SLC44A1: variants seen among roughly 807,000 people sequenced by gnomAD.
The protein encoded by SLC44A1 is solute carrier family 44 member 1, also known as choline transporter-like protein 1.
In SLC44A1, 26 loss-of-function variants were observed where a neutral mutation model predicts 79.3. The ratio of observed to expected loss-of-function variants is 0.33; its 90% CI spans 0.24 to 0.46. The LOEUF (loss-of-function observed/expected upper bound fraction) is 0.46, where lower values mean the gene tolerates loss of function less well. Ranked by LOEUF, SLC44A1 falls within the 20% of genes least tolerant of loss-of-function variation. The pLI is 1.00. For synonymous variants in SLC44A1, 263 were observed against 286.2 expected (o/e 0.92, Z 0.82); for missense variants, 688 against 798.1 (o/e 0.86, Z 1.66).
chr9:105,419,691 G>T (rs1211064719), intron 15 of SLC44A1, among the ~76,000 whole-genome samples: 1 of 152,096 alleles, frequency 6.6e-6, no homozygotes, highest in Non-Finnish European at 1.5e-5. Flanking sequence ...GAGGTGGGTG[G>T]ATCACCTGAG....
At chr9:105,430,506 C>T (rs187855858) in intron 15 of SLC44A1, among the ~76,000 whole-genome samples, 20 of 152,236 alleles carry the variant, frequency 1.3e-4, no homozygotes, top group Admixed American at 7.9e-4. Context: ...TTTGGATTCA[C>T]GTGAAAGAAA....
chr9:105,335,497 C>CA, intron 3 of SLC44A1, 66 bp from the exon 4 acceptor site: 1 of 1,283,022 alleles, frequency 7.8e-7, no homozygotes. Flanking sequence ...TAGGCTTAGT[C>CA]AAATATGCAG....
intron 15 of SLC44A1, among the ~76,000 whole-genome samples, chr9:105,422,434 G>C (rs146674457): frequency 1.3e-5 from 2 of 151,796 alleles, no homozygotes; most frequent in South Asian, 2.1e-4. Flanking sequence ...AACTACAGGC[G>C]CGTGCCACCA....
chr9:105,386,032 T>G (rs1186848572), intron 15 of SLC44A1: 1 of 985,236 alleles, frequency 1.0e-6, no homozygotes, highest in Non-Finnish European at 1.2e-6. Context: ...TCTTAAGCTA[T>G]TTTTCAGTAG....
intron 1 of SLC44A1, among the ~76,000 whole-genome samples, chr9:105,261,848 C>T (rs1297988104): frequency 1.2e-4 from 17 of 145,842 alleles, no homozygotes; most frequent in Non-Finnish European, 2.2e-4. Flanking sequence ...GGCACGATCT[C>T]GGCTCACTGC....
intron 3 of SLC44A1, among the ~76,000 whole-genome samples, chr9:105,325,504 G>T (rs951469686): frequency 1.3e-5 from 2 of 152,208 alleles, no homozygotes; most frequent in South Asian, 2.1e-4. Flanking sequence ...GCCTTTTGCT[G>T]GTGGGGACTC....
intron 1 of SLC44A1, among the ~76,000 whole-genome samples, chr9:105,266,430 T>G (rs1438043713): frequency 6.6e-6 from 1 of 152,264 alleles, no homozygotes; most frequent in Non-Finnish European, 1.5e-5. Context: ...TCTAAAATTT[T>G]CTAGTTTTAC....
At chr9:105,247,813 G>A (rs970002461) in intron 1 of SLC44A1, among the ~76,000 whole-genome samples, 2 of 152,242 alleles carry the variant, frequency 1.3e-5, no homozygotes, top group Non-Finnish European at 2.9e-5. Context: ...GGCATCGAAT[G>A]TGAATCTAGA....
At chr9:105,437,584 A>T (rs1460982120) in intron 15 of SLC44A1, among the ~76,000 whole-genome samples, 1 of 152,130 alleles carries the variant, frequency 6.6e-6, no homozygotes, top group Non-Finnish European at 1.5e-5. Flanking sequence ...AGTCCTAAAT[A>T]CTTCAATGTG....
chr9:105,269,687 A>G (rs1311505683), intron 1 of SLC44A1, among the ~76,000 whole-genome samples: 1 of 152,174 alleles, frequency 6.6e-6, no homozygotes, highest in Non-Finnish European at 1.5e-5. Context: ...CCCCCTTTTA[A>G]AACCAGGGAT....
At chr9:105,364,517 T>C in intron 9 of SLC44A1, 38 bp from the exon 10 acceptor site, 2 of 1,578,382 alleles carry the variant, frequency 1.3e-6, no homozygotes, top group Non-Finnish European at 1.7e-6. Flanking sequence ...GATTTGTACT[T>C]TATGTGCTTC....
At chr9:105,284,479 T>C (rs1401721487) in intron 1 of SLC44A1, among the ~76,000 whole-genome samples, 2 of 152,172 alleles carry the variant, frequency 1.3e-5, no homozygotes. Flanking sequence ...TATTTTATGT[T>C]ATATTTTAGT....
Position 105,392,399 on chromosome 9 carries a change from C to CTTTTT in SLC44A1, c.*3344_*3345insTTTTT, listed in dbSNP as rs1564048395. On this transcript the variant is annotated 3_prime_UTR_variant, in exon 16 of 16. Transcript: ENST00000374720. ...TTTTGTAGAGATGCTCTCTCTCTCTCTCTCTTTTTTTTTTTTTTTTTTTTT... is the reference window on the plus strand; with the variant it reads ...TTTTGTAGAGATGCTCTCTCTCTCTCTTTTTTCTCTTTTTTTTTTTTTTTTTTTTT... 1 of 695,682 alleles carries CTTTTT rather than the reference C, an allele frequency of 1.4e-6. No individual in the cohort carries two copies. The highest frequency in any genetic ancestry group is 2.4e-5 in the African/African-American group (1 of 41,188). The allele number at this position is 695,682 out of a possible 1,614,324, so 43.1% of individuals were successfully genotyped here. A position where few individuals can be genotyped will look rare whatever the true frequency, so the allele number is the denominator to read the frequency against.
intron 3 of SLC44A1, among the ~76,000 whole-genome samples, chr9:105,320,924 A>C (rs1477389569): frequency 2.6e-5 from 4 of 152,240 alleles, no homozygotes; most frequent in Non-Finnish European, 5.9e-5. Context: ...TTTAAAACAA[A>C]CTGGTTAGTC....
At chr9:105,329,609 AGTAC>A (rs1484133081) in intron 3 of SLC44A1, among the ~76,000 whole-genome samples, 3 of 152,064 alleles carry the variant, frequency 2.0e-5, no homozygotes, top group Non-Finnish European at 4.4e-5. Flanking sequence ...TGGCCATTTG[AGTAC>A]GTGTTGCCTA....
At position 105,252,597 on chromosome 9, in the gene SLC44A1, G is replaced by A. The variant is rs192273894; in HGVS notation, c.36+7693G>A. On this transcript the variant is annotated intron_variant, in intron 1 of 15. Coordinates refer to ENST00000374720, the MANE Select transcript of SLC44A1 (RefSeq NM_080546.5). ...ACTGGGTCAAGGTGGACAGGAAAGGGCTAGTGCGCTCAAGTAATGGACCAG... is the reference window on the plus strand; with the variant it reads ...ACTGGGTCAAGGTGGACAGGAAAGGACTAGTGCGCTCAAGTAATGGACCAG... 1.1e-3 allele frequency among the ~76,000 whole-genome samples: 163 copies of A among 152,316 alleles called. 1 individual carries two copies. Among genetic ancestry groups the A allele is most frequent in the African/African-American group, 3.8e-3 (159 of 41,568 alleles).
chr9:105,374,598 A>G lies in SLC44A1; in HGVS notation c.1495A>G (p.Asn499Asp). 1 of 1,608,980 alleles carries G rather than the reference A, an allele frequency of 6.2e-7. No homozygotes were observed. The highest frequency in any genetic ancestry group is 8.5e-7 in the Non-Finnish European group (1 of 1,178,566). Residue 499 changes from asparagine (N) to aspartate (D), a missense_variant and splice_region_variant, in exon 13 of 16, where the codon AAT becomes GAT. Physicochemically the swap from Asn to Asp is conservative, Grantham distance 23. Transcript: ENST00000374720. ...AAATGTTGTTTTTGCTTTTGTCCAG[A>G]ATGCATACACAGCCACAGCTATCAA... Reference protein sequence around the residue: ...LEKCLNYLNQNAYTATAINST... With the variant: ...LEKCLNYLNQDAYTATAINST...
chr9:105,325,289 T>C (rs1252233664), intron 3 of SLC44A1, among the ~76,000 whole-genome samples: 1 of 152,186 alleles, frequency 6.6e-6, no homozygotes, highest in Non-Finnish European at 1.5e-5. Context: ...ATGTATAGAA[T>C]AGACAAATGT....
chr9:105,397,685 C>T (rs1487546037), downstream of SLC44A1, among the ~76,000 whole-genome samples: 1 of 152,104 alleles, frequency 6.6e-6, no homozygotes, highest in Non-Finnish European at 1.5e-5. Flanking sequence ...TGGCTCACGC[C>T]TGTAATCCCA....
Sources: allele counts gnomAD v4.1 joint callset (sites outside exome capture counted in the v4.1 genomes callset), GRCh38; gene constraint gnomAD v4.1.1; transcripts MANE v1.5; gene names NCBI Gene and HGNC (gene_info 2026-07-23, HGNC 2026-07-21).